The following AHCYL1 variants were observed in gnomAD, a reference collection of about 807,000 sequenced individuals.
AHCYL1 encodes adenosylhomocysteinase like 1.
In AHCYL1, 20 loss-of-function variants were observed where a neutral mutation model predicts 79.3. The observed-to-expected ratio is 0.25, with a 90% CI of 0.18 to 0.37. The LOEUF (loss-of-function observed/expected upper bound fraction) is 0.37. Among genes scored for constraint, AHCYL1 ranks in the 10% least tolerant of loss-of-function variants. AHCYL1 has a pLI of 1.00. For missense variants in AHCYL1, 330 were observed against 673.6 expected (o/e 0.49, Z 5.65); for synonymous variants, 223 against 242.2 (o/e 0.92, Z 0.74).
chr1:109,985,047 C>T lies in AHCYL1; in HGVS notation c.-6C>T, dbSNP rs766277336. ...CGGGTCAGCCGCTGGCCGGGCCGGC[C>T]GGGGAATGTCGATGCCTGACGCGAT... On this transcript the variant is annotated 5_prime_UTR_variant, in exon 1 of 17. Coordinates refer to ENST00000369799, the MANE Select transcript of AHCYL1 (RefSeq NM_006621.7). 14 of 1,571,634 alleles carry T rather than the reference C, an allele frequency of 8.9e-6. No homozygotes were observed. The Admixed American group carries it at 1.1e-4, about 12-fold the overall frequency.
chr1:110,009,135 C>T lies in AHCYL1; in HGVS notation c.222C>T (p.Ser74=). The change falls in exon 2 of 17, where the codon AGC becomes AGT. Residue 74 remains serine, a synonymous_variant. Transcript: ENST00000369799. ...SRSISQSSTD[S]YSSAASYTDS... ...CGATCTCACAGTCCTCCACTGACAG[C>T]TACAGTTCAGGTAGGTGTGAATGAA... The T allele has an allele frequency of 6.2e-7, 1 of 1,613,056 alleles. No individual in the cohort carries two copies. Among genetic ancestry groups the T allele is most frequent in the Non-Finnish European group, 8.5e-7 (1 of 1,179,132 alleles).
In AHCYL1 at chr1:110,021,715, C is replaced by T. The variant is rs1163455702; in HGVS notation, c.*35C>T. 6.3e-7 allele frequency: 1 copy of T among 1,597,950 alleles called. No individual in the cohort carries two copies. On this transcript the variant is annotated 3_prime_UTR_variant, in exon 17 of 17. Coordinates refer to ENST00000369799, the MANE Select transcript of AHCYL1 (RefSeq NM_006621.7). ...CTACCAAGGACCAGTCCACCTGAAC[C>T]ACACACTCTAAAGAAATATTTTTTA...
At chr1:110,016,082 C>G (rs559651961) in intron 7 of AHCYL1, among the ~76,000 whole-genome samples, 3 of 151,968 alleles carry the variant, frequency 2.0e-5, no homozygotes, top group African/African-American at 4.8e-5. Context: ...AAATAACACT[C>G]CCTATAAAGG....
intron 14 of AHCYL1, 73 bp downstream of exon 14, chr1:110,019,192 T>C: frequency 2.2e-6 from 3 of 1,376,720 alleles, no homozygotes; most frequent in Non-Finnish European, 2.1e-6. Flanking sequence ...CCAGTGAGGG[T>C]GTACTGTACT....
At chr1:110,010,622 A>G (rs147611163) in intron 2 of AHCYL1, among the ~76,000 whole-genome samples, 43 of 152,262 alleles carry the variant, frequency 2.8e-4, no homozygotes, top group African/African-American at 9.6e-4. Flanking sequence ...TTGTAAGACT[A>G]TCTTATCACT....
Position 109,984,977 on chromosome 1 carries a change from G to T in AHCYL1, c.-76G>T. On this transcript the variant is annotated 5_prime_UTR_variant, in exon 1 of 17. Coordinates refer to ENST00000369799, the MANE Select transcript of AHCYL1 (RefSeq NM_006621.7). ...GCGATCGCGTGTCGGAGGGCGCCGC[G>T]CGGGCAGGCGGGCGGGCGCCAGAGG... 1 of 1,372,024 alleles carries T rather than the reference G, an allele frequency of 7.3e-7. No homozygotes were observed. Among genetic ancestry groups the T allele is most frequent in the East Asian group, 3.1e-5 (1 of 32,654 alleles). The allele number at this position is 1,372,024 out of a possible 1,614,324, so 85.0% of individuals were successfully genotyped here.
In AHCYL1 at chr1:109,984,948, G is replaced by T. The variant is rs1649381698; in HGVS notation, c.-105G>T. 1 of 1,348,000 alleles carries T rather than the reference G, an allele frequency of 7.4e-7. No homozygotes were observed. The highest frequency in any genetic ancestry group is 4.1e-5 in the Admixed American group (1 of 24,520). 83.5% of individuals were successfully genotyped at this position (1,348,000 alleles called of 1,614,324 possible). ...GCTCGACGCAGGGGCCGGCAGGAGG[G>T]TGGGCGATCGCGTGTCGGAGGGCGC... On this transcript the variant is annotated 5_prime_UTR_variant, in exon 1 of 17. Transcript: ENST00000369799.
intron 1 of AHCYL1, among the ~76,000 whole-genome samples, chr1:110,002,805 T>C (rs1650390470): frequency 6.6e-6 from 1 of 152,242 alleles, no homozygotes; most frequent in Non-Finnish European, 1.5e-5. Flanking sequence ...CTCCTGATAA[T>C]GATGCAAGGT....
At chr1:110,012,591 C>A in intron 4 of AHCYL1, 129 bp downstream of exon 4, 1 of 761,974 alleles carries the variant, frequency 1.3e-6, no homozygotes, top group South Asian at 2.9e-5. Context: ...CTCCCTGTTA[C>A]ACAATAATGG....
chr1:110,018,361 CT>C lies in AHCYL1; in HGVS notation c.1124-8del, dbSNP rs745807647. The C allele has an allele frequency of 2.5e-6, 4 of 1,613,564 alleles. No homozygotes were observed. Among genetic ancestry groups the C allele is most frequent in the East Asian group, 2.2e-5 (1 of 44,866 alleles). ...GGCATCTCTTTCCTTAACCACCCAT[CT>C]TTTCTTTTAGGAAATAAGAATGTAG... On this transcript the variant is annotated splice_polypyrimidine_tract_variant and intron_variant, in intron 11 of 16. Coordinates refer to ENST00000369799, the MANE Select transcript of AHCYL1 (RefSeq NM_006621.7).
rs1254588083 is a variant in AHCYL1 at position 110,020,166 on chromosome 1, C to T, written c.1465+540C>T. 2.0e-5 allele frequency among the ~76,000 whole-genome samples: 3 copies of T among 152,226 alleles called. No homozygotes were observed. In the East Asian group the frequency reaches 5.8e-4, roughly 29 times the overall value. Reference sequence around the variant, plus strand: ...TCTTAATGCTAAAATACTTCTTGCTCTCCTCTCCTCCAATAGCTTACTTCA... The same window carrying T: ...TCTTAATGCTAAAATACTTCTTGCTTTCCTCTCCTCCAATAGCTTACTTCA... On this transcript the variant is annotated intron_variant, in intron 15 of 16. Transcript: ENST00000369799.
At chr1:110,008,275 G>A (rs1377097558) in intron 1 of AHCYL1, among the ~76,000 whole-genome samples, 1 of 151,942 alleles carries the variant, frequency 6.6e-6, no homozygotes, top group African/African-American at 2.4e-5. Context: ...CCAAAGTGTT[G>A]GGATTACAGG....
chr1:110,021,858 C>A lies in AHCYL1; in HGVS notation c.*178C>A. The A allele has an allele frequency of 1.7e-6, 1 of 585,874 alleles. No individual in the cohort carries two copies. 36.3% of individuals were successfully genotyped at this position (585,874 alleles called of 1,614,324 possible). A position where few individuals can be genotyped will look rare whatever the true frequency, so the allele number is the denominator to read the frequency against. On this transcript the variant is annotated 3_prime_UTR_variant, in exon 17 of 17. Transcript: ENST00000369799. ...GACCACACAGGAACTTGCTTCATGGCTCTTTAGATGAAATAGAAGTTCAGG... is the reference window on the plus strand; with the variant it reads ...GACCACACAGGAACTTGCTTCATGGATCTTTAGATGAAATAGAAGTTCAGG...
chr1:110,005,317 G>A (rs368300869), intron 1 of AHCYL1, among the ~76,000 whole-genome samples: 11 of 152,138 alleles, frequency 7.2e-5, no homozygotes, highest in Admixed American at 4.6e-4. Context: ...TTGAAATAAC[G>A]AATTTGACAA....
chr1:110,002,295 G>T (rs1295481547), intron 1 of AHCYL1, among the ~76,000 whole-genome samples: 2 of 152,168 alleles, frequency 1.3e-5, no homozygotes, highest in East Asian at 3.8e-4. Context: ...TTGATTCCAG[G>T]TTTGGAGAAG....
rs1208175816 is a variant in AHCYL1, at chr1:109,984,927, G to T, written c.-126G>T. 4.6e-6 allele frequency: 6 copies of T among 1,313,354 alleles called. No homozygotes were observed. Among genetic ancestry groups the T allele is most frequent in the Non-Finnish European group, 5.8e-6 (6 of 1,030,414 alleles). The allele number at this position is 1,313,354 out of a possible 1,614,324, so 81.4% of individuals were successfully genotyped here. ...AGCACCTCAGAAGCCGACGCAGCTC[G>T]ACGCAGGGGCCGGCAGGAGGGTGGG... On this transcript the variant is annotated 5_prime_UTR_variant, in exon 1 of 17. Coordinates refer to ENST00000369799, the MANE Select transcript of AHCYL1 (RefSeq NM_006621.7).
At chr1:110,011,709 C>A (rs1651046857) in intron 3 of AHCYL1, among the ~76,000 whole-genome samples, 1 of 152,154 alleles carries the variant, frequency 6.6e-6, no homozygotes, top group African/African-American at 2.4e-5. Flanking sequence ...TGGCAGAGAC[C>A]CAGATTGCCC....
chr1:109,986,380 A>G (rs990648077), intron 1 of AHCYL1, among the ~76,000 whole-genome samples: 1 of 152,168 alleles, frequency 6.6e-6, no homozygotes, highest in African/African-American at 2.4e-5. Context: ...ATGCAAGATC[A>G]AAAAAGACGA....
chr1:110,019,684 G>T (rs1651668031), intron 15 of AHCYL1, 58 bp downstream of exon 15: 7 of 1,484,640 alleles, frequency 4.7e-6, no homozygotes, highest in Non-Finnish European at 6.5e-6. Context: ...TAAAATGACT[G>T]CCATGAAAGG....
Sources: allele counts gnomAD v4.1 joint callset (sites outside exome capture counted in the v4.1 genomes callset), GRCh38; gene constraint gnomAD v4.1.1; transcripts MANE v1.5; gene names NCBI Gene and HGNC (gene_info 2026-07-23, HGNC 2026-07-21).